Variants in CWC27 observed in about 807,000 individuals in gnomAD.
CWC27 encodes the protein CWC27 spliceosome associated cyclophilin.
CWC27 carries 47 observed loss-of-function variants against 63.6 expected under a neutral mutation model. The observed-to-expected ratio is 0.74, with a 90% confidence interval of 0.58 to 0.94. The LOEUF (loss-of-function observed/expected upper bound fraction) is 0.94. Ranked by LOEUF, CWC27 falls within the 40% of genes least tolerant of loss-of-function variation. The probability of loss-of-function intolerance (pLI) is 0.00; values close to 1 mark genes in which losing one functional copy is unlikely to be tolerated. For missense variants in CWC27, 495 were observed against 554.3 expected (o/e 0.89, Z 1.07); for synonymous variants, 175 against 179.8 (o/e 0.97, Z 0.22).
intron 10 of CWC27, among the ~76,000 whole-genome samples, chr5:64,813,711 T>C (rs1199921431): frequency 2.0e-5 from 3 of 152,184 alleles, no homozygotes; most frequent in African/African-American, 7.2e-5. Flanking sequence ...GGAACAAATA[T>C]AGTCATGTTG....
intron 11 of CWC27, among the ~76,000 whole-genome samples, chr5:64,968,490 A>G (rs879240581): frequency 1.3e-5 from 2 of 152,214 alleles, no homozygotes; most frequent in Admixed American, 1.3e-4. Context: ...AACTCAGAAT[A>G]AACAAGTTAG....
At chr5:64,770,525 A>G (rs1000554147) in intron 1 of CWC27, among the ~76,000 whole-genome samples, 1 of 152,192 alleles carries the variant, frequency 6.6e-6, no homozygotes, top group Admixed American at 6.5e-5. Flanking sequence ...TGAAATAGCA[A>G]ACTTCAATCA....
At chr5:64,983,709 A>G (rs1469171683) in intron 13 of CWC27, among the ~76,000 whole-genome samples, 1 of 151,924 alleles carries the variant, frequency 6.6e-6, no homozygotes, top group African/African-American at 2.4e-5. Context: ...TTCCTCATCA[A>G]CCCTTTTCTG....
intron 10 of CWC27, among the ~76,000 whole-genome samples, chr5:64,831,278 G>A (rs982885903): frequency 6.6e-6 from 1 of 151,776 alleles, no homozygotes; most frequent in Non-Finnish European, 1.5e-5. Context: ...TTGCTGGTTA[G>A]TACATTTTCT....
chr5:64,902,437 A>G (rs1032428993), intron 11 of CWC27, among the ~76,000 whole-genome samples: 25 of 152,204 alleles, frequency 1.6e-4, no homozygotes, highest in Non-Finnish European at 2.1e-4. Context: ...ACATATTTCC[A>G]TATTGATGGC....
intron 10 of CWC27, among the ~76,000 whole-genome samples, chr5:64,820,990 TG>T (rs78394994): frequency 0.35 from 53,347 of 151,538 alleles, 9,805 homozygotes; most frequent in East Asian, 0.51. Flanking sequence ...AGCCACAGAC[TG>T]GGAAAACAAT....
intron 11 of CWC27, among the ~76,000 whole-genome samples, chr5:64,944,743 C>T (rs558213277): frequency 5.1e-4 from 77 of 152,228 alleles, no homozygotes; most frequent in South Asian, 1.7e-3. Flanking sequence ...AATCATCTCC[C>T]GTGTAGATTA....
At chr5:64,956,864 G>A (rs1387988575) in intron 11 of CWC27, among the ~76,000 whole-genome samples, 1 of 151,954 alleles carries the variant, frequency 6.6e-6, no homozygotes, top group African/African-American at 2.4e-5. Context: ...CATGAAATAG[G>A]GATAATAATA....
intron 10 of CWC27, among the ~76,000 whole-genome samples, chr5:64,867,959 T>G (rs1457909340): frequency 6.6e-6 from 1 of 151,816 alleles, no homozygotes; most frequent in African/African-American, 2.4e-5. Flanking sequence ...CTGTTGTTGT[T>G]GTTGTTGTTG....
chr5:64,881,953 A>G (rs1746947595), intron 10 of CWC27, among the ~76,000 whole-genome samples: 1 of 152,200 alleles, frequency 6.6e-6, no homozygotes, highest in Non-Finnish European at 1.5e-5. Context: ...TAGCATAATA[A>G]AAAGATAGGA....
chr5:64,865,419 TG>T (rs1746509247), intron 10 of CWC27, among the ~76,000 whole-genome samples: 1 of 152,018 alleles, frequency 6.6e-6, no homozygotes, highest in Non-Finnish European at 1.5e-5. Context: ...AAGTGTTCTG[TG>T]GTATAAATAT....
At chr5:64,846,993 C>A (rs1054235623) in intron 10 of CWC27, among the ~76,000 whole-genome samples, 956 of 85,750 alleles carry the variant, frequency 0.011, no homozygotes, top group Non-Finnish European at 0.012. Flanking sequence ...GACTCCATCT[C>A]AAAAAAAAAA....
At chr5:64,850,343 T>C (rs1746105761) in intron 10 of CWC27, among the ~76,000 whole-genome samples, 1 of 151,944 alleles carries the variant, frequency 6.6e-6, no homozygotes, top group Non-Finnish European at 1.5e-5. Context: ...GGGAAAAGGA[T>C]AGTCTCATCA....
At position 64,805,508 on chromosome 5, in the gene CWC27, A is replaced by G. The variant is rs1744638721; in HGVS notation, c.938+1122A>G. On this transcript the variant is annotated intron_variant, in intron 10 of 13. Coordinates refer to ENST00000381070, the MANE Select transcript of CWC27 (RefSeq NM_005869.4). ...TCATGAATATAATTATGGATACATA[A>G]TGTTTTATTCCTCTCATTCAAGGCA... is the stretch of plus-strand genomic sequence containing the variant. Among the ~76,000 whole-genome samples the G allele has an allele frequency of 3.3e-5, 5 of 152,030 alleles. No individual in the cohort carries two copies. In the South Asian group the frequency reaches 1.0e-3, roughly 32 times the overall value.
intron 10 of CWC27, among the ~76,000 whole-genome samples, chr5:64,826,417 A>G: frequency 6.6e-6 from 1 of 152,186 alleles, no homozygotes; most frequent in East Asian, 1.9e-4. Flanking sequence ...CCCATCATAT[A>G]GTGAATCTTG....
In CWC27 at chr5:64,878,470, T is replaced by TA. The variant is rs397998002; in HGVS notation, c.939-6943dup. ...GTCAGCACTGTCCTGGGTTACAGATTAAAAAAAAAAAAAAAAAAAAAAAAA... is the reference window on the plus strand; with the variant it reads ...GTCAGCACTGTCCTGGGTTACAGATTAAAAAAAAAAAAAAAAAAAAAAAAAA... On this transcript the variant is annotated intron_variant, in intron 10 of 13. Transcript: ENST00000381070. Among the ~76,000 whole-genome samples, 71 of 26,932 alleles carry TA rather than the reference T, an allele frequency of 2.6e-3. 14 individuals are homozygous for TA. Among genetic ancestry groups the TA allele is most frequent in the Non-Finnish European group, 3.9e-3 (55 of 14,108 alleles). 17.7% of individuals were successfully genotyped at this position (26,932 alleles called of 152,430 possible).
intron 10 of CWC27, among the ~76,000 whole-genome samples, chr5:64,826,947 G>A (rs1745379177): frequency 6.6e-6 from 1 of 152,052 alleles, no homozygotes; most frequent in South Asian, 2.1e-4. Flanking sequence ...AAATGAAAAA[G>A]CAAATCAGCA....
chr5:64,936,573 T>C (rs1377382603), intron 11 of CWC27, among the ~76,000 whole-genome samples: 1 of 151,926 alleles, frequency 6.6e-6, no homozygotes, highest in East Asian at 1.9e-4. Flanking sequence ...TTTTCTGTTG[T>C]GTCTCTGCAG....
At chr5:64,783,287 G>A (rs1743762994) in intron 3 of CWC27, among the ~76,000 whole-genome samples, 1 of 152,138 alleles carries the variant, frequency 6.6e-6, no homozygotes, top group Admixed American at 6.5e-5. Flanking sequence ...GCTTGTTCCT[G>A]CTCTTTTGAA....
Sources: allele counts gnomAD v4.1 joint callset (sites outside exome capture counted in the v4.1 genomes callset), GRCh38; gene constraint gnomAD v4.1.1; transcripts MANE v1.5; gene names NCBI Gene and HGNC (gene_info 2026-07-23, HGNC 2026-07-21).